The following COL4A5 variants were observed in gnomAD, a reference collection of about 807,000 sequenced individuals.
COL4A5 encodes collagen alpha-5(IV) chain.
COL4A5 carries 26 observed loss-of-function variants against 130.2 expected under a neutral mutation model. The observed-to-expected ratio is 0.20, with a 90% confidence interval of 0.15 to 0.28. COL4A5 has a LOEUF of 0.28. COL4A5 is among the 10% of genes least tolerant of loss of function. The pLI is 1.00. For missense variants in COL4A5, 1,131 were observed against 1,344.3 expected, an observed-to-expected ratio of 0.84 and a Z score of 2.48; for synonymous variants, 496 against 439.6, an observed-to-expected ratio of 1.13 and a Z score of -1.60.
intron 1 of COL4A5, among the ~76,000 whole-genome samples, chrX:108,481,152 A>C (rs959394073): frequency 5.4e-5 from 6 of 111,065 alleles, no homozygotes; most frequent in Admixed American, 4.8e-4. Flanking sequence ...TGACTTTCAT[A>C]AGCCCCTACT....
At chrX:108,482,682 T>G (rs1246312112) in intron 1 of COL4A5, among the ~76,000 whole-genome samples, 1 of 111,676 alleles carries the variant, frequency 9.0e-6, no homozygotes, top group Non-Finnish European at 1.9e-5. Context: ...TGCAGGCCAG[T>G]CACTCACATA....
intron 1 of COL4A5, among the ~76,000 whole-genome samples, chrX:108,534,830 G>A (rs1322032945): frequency 1.8e-5 from 2 of 110,920 alleles, no homozygotes; most frequent in South Asian, 3.7e-4. Context: ...CATTGAATCT[G>A]TTTGGTTTCT....
chrX:108,595,565 G>A lies in COL4A5; in HGVS notation c.1480G>A (p.Gly494Ser). 8.3e-7 allele frequency: 1 copy of A among 1,212,003 alleles called. No individual in the cohort carries two copies. Among genetic ancestry groups the A allele is most frequent in the Non-Finnish European group, 1.1e-6 (1 of 895,514 alleles). Residue 494 changes from glycine to serine, a missense_variant, in exon 22 of 53, where the codon GGT (glycine) becomes AGT (serine). Gly to Ser is a moderately conservative substitution (Grantham distance 56). Coordinates refer to ENST00000328300, the MANE Select transcript of COL4A5 (RefSeq NM_033380.3). ...CIGTGISGPPGQPGLPGLPGP... is the reference protein window; with the variant it reads ...CIGTGISGPPSQPGLPGLPGP... ...TGGAACTGGTATTTCAGGGCCTCCA[G>A]GTCAACCTGGTTTGCCAGGTCTCCC...
chrX:108,511,343 T>A (rs764329666), intron 1 of COL4A5, among the ~76,000 whole-genome samples: 5 of 111,833 alleles, frequency 4.5e-5, no homozygotes, highest in Non-Finnish European at 9.4e-5. Flanking sequence ...ACATTCATGA[T>A]CATGCATCAG....
intron 37 of COL4A5, among the ~76,000 whole-genome samples, chrX:108,660,991 A>G (rs898482087): frequency 5.4e-5 from 6 of 112,056 alleles, no homozygotes; most frequent in African/African-American, 9.7e-5. Flanking sequence ...TTAGTTATAC[A>G]AATACTTACC....
chrX:108,640,773 C>A (rs2067448422), intron 36 of COL4A5, among the ~76,000 whole-genome samples: 1 of 111,353 alleles, frequency 9.0e-6, no homozygotes, highest in Admixed American at 9.5e-5. Flanking sequence ...CTCTAAAAAG[C>A]CACATAAAAT....
At chrX:108,480,948 G>A (rs57801607) in intron 1 of COL4A5, among the ~76,000 whole-genome samples, 2,117 of 111,825 alleles carry the variant, frequency 0.019, 35 homozygotes, top group East Asian at 0.076. Context: ...TGCTCTAATG[G>A]CTTCCATTTG....
At chrX:108,589,015 A>G (rs1180576240) in intron 19 of COL4A5, among the ~76,000 whole-genome samples, 4 of 111,778 alleles carry the variant, frequency 3.6e-5, no homozygotes, top group African/African-American at 1.3e-4. Context: ...TAGCGGTAGG[A>G]TGCAAGAACC....
chrX:108,476,568 C>A (rs541095292), intron 1 of COL4A5, among the ~76,000 whole-genome samples: 1 of 102,451 alleles, frequency 9.8e-6, no homozygotes, highest in South Asian at 4.8e-4. Context: ...CCCACCTCCT[C>A]CCTACCACAA....
At chrX:108,574,517 T>C (rs752894044) in intron 9 of COL4A5, among the ~76,000 whole-genome samples, 6 of 111,879 alleles carry the variant, frequency 5.4e-5, no homozygotes, top group African/African-American at 1.9e-4. Context: ...ATCAAATCCT[T>C]CTGCATTCCC....
chrX:108,635,247 G>A (rs2067332366), intron 36 of COL4A5, among the ~76,000 whole-genome samples: 1 of 110,433 alleles, frequency 9.1e-6, no homozygotes, highest in Non-Finnish European at 1.9e-5. Flanking sequence ...ACTTTTTGTA[G>A]TTATTGTGAG....
intron 1 of COL4A5, among the ~76,000 whole-genome samples, chrX:108,476,583 A>G (rs1375820726): frequency 5.5e-5 from 5 of 91,168 alleles, no homozygotes; most frequent in Non-Finnish European, 1.0e-4. Context: ...CCACAACCTC[A>G]CTACCCTTCC....
rs768188518 is a variant in COL4A5, at chrX:108,471,309, T to A, written c.81+31103T>A. ...AATGTTTTTCCATTTGTTTCTATCATCTATGATTTACTTCTGCAATGTTTT... is the reference window on the plus strand; with the variant it reads ...AATGTTTTTCCATTTGTTTCTATCAACTATGATTTACTTCTGCAATGTTTT... On this transcript the variant is annotated intron_variant, in intron 1 of 52. Coordinates refer to ENST00000328300, the MANE Select transcript of COL4A5 (RefSeq NM_033380.3). Among the ~76,000 whole-genome samples the A allele has an allele frequency of 7.4e-4, 83 of 112,351 alleles. 1 individual carries two copies. Among genetic ancestry groups the A allele is most frequent in the African/African-American group, 2.6e-3 (81 of 30,996 alleles).
chrX:108,453,076 G>A, intron 1 of COL4A5, among the ~76,000 whole-genome samples: 1 of 111,636 alleles, frequency 9.0e-6, no homozygotes, highest in Non-Finnish European at 1.9e-5. Context: ...TGCATCTATT[G>A]AGGTAATTAT....
In COL4A5 at chrX:108,532,897, C is replaced by T. The variant is rs773176460; in HGVS notation, c.82-6849C>T. Among the ~76,000 whole-genome samples the T allele has an allele frequency of 1.7e-4, 19 of 111,766 alleles. No homozygotes were observed. The East Asian group carries it at 5.3e-3, about 31-fold the overall frequency. On this transcript the variant is annotated intron_variant, in intron 1 of 52. Coordinates refer to ENST00000328300, the MANE Select transcript of COL4A5 (RefSeq NM_033380.3). ...TTGAAAGAAATGCAGGTGATAGAAA[C>T]AAATGGAAAAATATTTTATACTCAT...
intron 19 of COL4A5, among the ~76,000 whole-genome samples, chrX:108,587,303 A>G (rs1393290327): frequency 9.6e-6 from 1 of 104,251 alleles, no homozygotes; most frequent in Non-Finnish European, 1.9e-5. Flanking sequence ...CCATCATTCT[A>G]CTCTCCACCT....
At chrX:108,545,828 C>G (rs747772130) in intron 2 of COL4A5, among the ~76,000 whole-genome samples, 1 of 111,324 alleles carries the variant, frequency 9.0e-6, no homozygotes. Context: ...ATAGTTAGCT[C>G]TTCTTGTTGA....
At chrX:108,495,103 A>G (rs927946736) in intron 1 of COL4A5, among the ~76,000 whole-genome samples, 1 of 111,804 alleles carries the variant, frequency 8.9e-6, no homozygotes. Context: ...AGCAAAAGCA[A>G]TTTAATAGAG....
intron 36 of COL4A5, chrX:108,627,621 T>C: frequency 1.5e-6 from 1 of 671,261 alleles, no homozygotes; most frequent in Non-Finnish European, 1.8e-6. Flanking sequence ...GTGCATTTAA[T>C]TTTTTGGCTT....
Sources: gnomAD v4.1 joint callset for allele counts (sites outside exome capture counted in the v4.1 genomes callset) on GRCh38, gnomAD v4.1.1 for gene constraint, MANE v1.5 for transcripts, NCBI Gene and HGNC (gene_info 2026-07-23, HGNC 2026-07-21) for gene names.